Variants in MED12L observed in about 807,000 individuals in gnomAD.
The protein encoded by MED12L is mediator of RNA polymerase II transcription subunit 12-like protein.
Under a neutral mutation model 281.3 loss-of-function variants are expected in MED12L, and 60 were observed. That is an observed-to-expected ratio of 0.21 (90% CI 0.17 to 0.26). The LOEUF is 0.26. MED12L is among the 10% of genes least tolerant of loss of function. The pLI is 1.00. For synonymous variants in MED12L, 974 were observed against 987.2 expected (o/e 0.99, Z 0.25); for missense variants, 2,146 against 2,680.9 (o/e 0.80, Z 4.41).
At chr3:151,378,364 A>G (rs62285880) in intron 31 of MED12L, among the ~76,000 whole-genome samples, 191 bp downstream of exon 31, 9,440 of 152,266 alleles carry the variant, frequency 0.062, 431 homozygotes, top group Middle Eastern at 0.18. Context: ...TTAATACATT[A>G]GTTCTCAATT....
intron 16 of MED12L, among the ~76,000 whole-genome samples, chr3:151,259,575 T>A (rs13088531): frequency 0.23 from 35,001 of 152,070 alleles, 4,168 homozygotes; most frequent in South Asian, 0.34. Context: ...AGAATAAACT[T>A]TTCAAATACT....
At chr3:151,363,192 C>A (rs1754835972) in intron 21 of MED12L, among the ~76,000 whole-genome samples, 2 of 151,980 alleles carry the variant, frequency 1.3e-5, no homozygotes, top group Non-Finnish European at 2.9e-5. Context: ...TTGGCACTGT[C>A]TAAAGTTTCC....
At chr3:151,421,897 A>G (rs1311142769) in intron 43 of MED12L, among the ~76,000 whole-genome samples, 1 of 152,104 alleles carries the variant, frequency 6.6e-6, no homozygotes, top group Non-Finnish European at 1.5e-5. Context: ...GAGGGTGGTA[A>G]GGTAGCTGTT....
rs748293003 is a variant in MED12L at position 151,330,455 on chromosome 3, A to C, written c.2251-19604A>C. ...CTTTAATTCTCTTCAAGTTTGAAAGATGTAATGGTGCTTTTGCATAGAGAA... is the reference window on the plus strand; with the variant it reads ...CTTTAATTCTCTTCAAGTTTGAAAGCTGTAATGGTGCTTTTGCATAGAGAA... On this transcript the variant is annotated intron_variant, in intron 16 of 44. Transcript: ENST00000687756. Among the ~76,000 whole-genome samples the C allele has an allele frequency of 1.2e-4, 19 of 152,316 alleles. 1 individual carries two copies. Among genetic ancestry groups the C allele is most frequent in the South Asian group, 6.2e-4 (3 of 4,822 alleles).
chr3:151,232,973 T>C (rs1393926182), intron 16 of MED12L, among the ~76,000 whole-genome samples: 1 of 152,212 alleles, frequency 6.6e-6, no homozygotes, highest in Non-Finnish European at 1.5e-5. Context: ...AAATTTTCTT[T>C]TCACCTTTCA....
At chr3:151,330,423 T>G (rs1223069055) in intron 16 of MED12L, among the ~76,000 whole-genome samples, 1 of 152,208 alleles carries the variant, frequency 6.6e-6, no homozygotes, top group Non-Finnish European at 1.5e-5. Context: ...TCTGTGCATT[T>G]TTTTTGCTTT....
At chr3:151,359,108 G>A (rs1228794480) in intron 20 of MED12L, among the ~76,000 whole-genome samples, 2 of 152,064 alleles carry the variant, frequency 1.3e-5, no homozygotes, top group African/African-American at 2.4e-5. Context: ...GTAGTCCCCA[G>A]TGTCTGTTGT....
At chr3:151,105,724 A>G (rs1050325218) in intron 2 of MED12L, among the ~76,000 whole-genome samples, 2 of 152,170 alleles carry the variant, frequency 1.3e-5, no homozygotes, top group Non-Finnish European at 2.9e-5. Flanking sequence ...TCCAGGCTTC[A>G]GTCACTAGCC....
intron 7 of MED12L, 128 bp from the exon 8 acceptor site, chr3:151,159,704 G>C: frequency 1.2e-6 from 1 of 828,642 alleles, no homozygotes; most frequent in Non-Finnish European, 1.9e-6. Context: ...ATTTCTATTG[G>C]ACAGCACTTG....
intron 16 of MED12L, among the ~76,000 whole-genome samples, chr3:151,277,416 G>C (rs1323905750): frequency 6.6e-6 from 1 of 150,860 alleles, no homozygotes; most frequent in African/African-American, 2.4e-5. Flanking sequence ...TAATGGCTAG[G>C]TTTTTTTTTA....
At position 151,086,818 on chromosome 3, in the gene MED12L, CGAG is replaced by C. The variant is rs1719283345; in HGVS notation, c.-104_-102del. The C allele has an allele frequency of 3.7e-6, 3 of 815,030 alleles. No individual in the cohort carries two copies. The highest frequency in any genetic ancestry group is 5.7e-6 in the Non-Finnish European group (3 of 526,168). 50.5% of individuals were successfully genotyped at this position (815,030 alleles called of 1,614,324 possible). A position where few individuals can be genotyped will look rare whatever the true frequency, so the allele number is the denominator to read the frequency against. ...TGCAGCGCCACAGCGAGCGAGCGAG[CGAG>C]GAGGGGGAGAGAGGGAGTCTGTCTG... On this transcript the variant is annotated 5_prime_UTR_variant, in exon 2 of 45. Transcript: ENST00000687756.
In MED12L at chr3:151,432,916, T is replaced by G; in HGVS notation, c.*112T>G. The G allele has an allele frequency of 1.3e-6, 1 of 793,082 alleles. No individual in the cohort carries two copies. Among genetic ancestry groups the G allele is most frequent in the Non-Finnish European group, 2.0e-6 (1 of 511,578 alleles). The allele number at this position is 793,082 out of a possible 1,614,324, so 49.1% of individuals were successfully genotyped here. On this transcript the variant is annotated 3_prime_UTR_variant, in exon 45 of 45. Transcript: ENST00000687756. Reference sequence around the variant, plus strand: ...CCCTTTTTTTCATTTCTTTGACATTTTACTATATTTTATGCTACATCTCAC... The same window carrying G: ...CCCTTTTTTTCATTTCTTTGACATTGTACTATATTTTATGCTACATCTCAC...
rs146449321 is a variant in MED12L, at chr3:151,238,599, T to A, written c.2250+44933T>A. Among the ~76,000 whole-genome samples, 417 of 152,334 alleles carry A rather than the reference T, an allele frequency of 2.7e-3. 1 individual carries two copies. Among genetic ancestry groups the A allele is most frequent in the African/African-American group, 9.4e-3 (391 of 41,574 alleles). On this transcript the variant is annotated intron_variant, in intron 16 of 44. Transcript: ENST00000687756. ...ATTTGCACTGATGGTGCAAAAGCCA[T>A]GATGTGTAAAATGTTCAGGTGTCTT...
chr3:151,154,105 A>G (rs1718943768), intron 5 of MED12L, among the ~76,000 whole-genome samples: 1 of 152,208 alleles, frequency 6.6e-6, no homozygotes, highest in Non-Finnish European at 1.5e-5. Context: ...ATTAATAATT[A>G]TTAAGGAGTA....
At chr3:151,237,196 G>A (rs761881314) in intron 16 of MED12L, among the ~76,000 whole-genome samples, 2 of 151,452 alleles carry the variant, frequency 1.3e-5, no homozygotes, top group Admixed American at 6.6e-5. Context: ...ATGCCACCAC[G>A]CCCAGCTAAT....
chr3:151,213,361 T>A, intron 16 of MED12L: 2 of 1,613,918 alleles, frequency 1.2e-6, no homozygotes. Context: ...AATGTCTAGG[T>A]CATTCTGAGC....
intron 16 of MED12L, among the ~76,000 whole-genome samples, chr3:151,258,512 A>C (rs551977775): frequency 6.6e-6 from 1 of 152,260 alleles, no homozygotes; most frequent in East Asian, 1.9e-4. Context: ...GAATTTTCAC[A>C]TTCTTAGCTG....
chr3:151,128,112 G>C (rs976038422), intron 5 of MED12L, 128 bp downstream of exon 5: 6 of 767,074 alleles, frequency 7.8e-6, no homozygotes, highest in Admixed American at 2.5e-5. Flanking sequence ...TGATTTGCTC[G>C]GGTATGGATA....
intron 39 of MED12L, among the ~76,000 whole-genome samples, chr3:151,401,234 T>G (rs1715636923): frequency 2.0e-5 from 3 of 152,154 alleles, no homozygotes; most frequent in African/African-American, 7.2e-5. Context: ...AATATGTTAT[T>G]TATTCATTCT....
Sources: gnomAD v4.1 joint callset for allele counts (sites outside exome capture counted in the v4.1 genomes callset) on GRCh38, gnomAD v4.1.1 for gene constraint, MANE v1.5 for transcripts, NCBI Gene and HGNC (gene_info 2026-07-23, HGNC 2026-07-21) for gene names.